SGCG: variants seen among roughly 807,000 people sequenced by gnomAD.
SGCG encodes sarcoglycan gamma.
SGCG carries 26 observed loss-of-function variants against 29.3 expected under a neutral mutation model. That is an observed-to-expected ratio of 0.89 (90% CI 0.65 to 1.23). The LOEUF is 1.23. SGCG is among the 50% of genes most tolerant of loss of function. SGCG has a pLI of 0.00. For missense variants in SGCG, 353 were observed against 356.0 expected (o/e 0.99, Z 0.07); for synonymous variants, 145 against 129.7 (o/e 1.12, Z -0.80).
chr13:23,322,940 TATA>T (rs1306517867), intron 7 of SGCG, among the ~76,000 whole-genome samples: 1 of 152,136 alleles, frequency 6.6e-6, no homozygotes, highest in Non-Finnish European at 1.5e-5. Context: ...AAATAGGGAA[TATA>T]ATATTTGCTT....
At chr13:23,228,258 T>G (rs943437539) in intron 2 of SGCG, among the ~76,000 whole-genome samples, 1 of 152,216 alleles carries the variant, frequency 6.6e-6, no homozygotes, top group Non-Finnish European at 1.5e-5. Flanking sequence ...GTTTGTAAAT[T>G]ACACCTGAAT....
intron 2 of SGCG, among the ~76,000 whole-genome samples, chr13:23,231,552 C>G (rs1879114691): frequency 6.6e-6 from 1 of 152,028 alleles, no homozygotes; most frequent in Non-Finnish European, 1.5e-5. Flanking sequence ...AGAAATTTGG[C>G]AGCAAATTTT....
At chr13:23,219,491 T>C (rs1215197811) in intron 2 of SGCG, among the ~76,000 whole-genome samples, 1 of 152,208 alleles carries the variant, frequency 6.6e-6, no homozygotes, top group African/African-American at 2.4e-5. Context: ...TATTTATAGC[T>C]GCGGTAGTAT....
chr13:23,191,754 G>C (rs181345970), intron 1 of SGCG, among the ~76,000 whole-genome samples: 3 of 152,244 alleles, frequency 2.0e-5, no homozygotes, highest in South Asian at 2.1e-4. Flanking sequence ...CTTCCTTCCC[G>C]ATCCAACACA....
In SGCG at chr13:23,236,288, C is replaced by T. The variant is rs116542535; in HGVS notation, c.297+1576C>T. Among the ~76,000 whole-genome samples, 499 of 152,246 alleles carry T rather than the reference C, an allele frequency of 3.3e-3. 3 individuals carry two copies. Among genetic ancestry groups the T allele is most frequent in the African/African-American group, 0.011 (469 of 41,534 alleles). On this transcript the variant is annotated intron_variant, in intron 3 of 7. Transcript: ENST00000218867. ...CCCCAGAGTTGTGTTGGCTGATCTCCTGCCATATTTTGGGAAGAATCAGAC... is the reference window on the plus strand; with the variant it reads ...CCCCAGAGTTGTGTTGGCTGATCTCTTGCCATATTTTGGGAAGAATCAGAC...
chr13:23,315,946 C>T (rs571164605), intron 6 of SGCG, among the ~76,000 whole-genome samples: 147 of 152,254 alleles, frequency 9.7e-4, no homozygotes, highest in Admixed American at 2.9e-3. Flanking sequence ...TAGGATGACC[C>T]GTTCTGAGGA....
intron 1 of SGCG, among the ~76,000 whole-genome samples, chr13:23,195,684 G>A (rs976344939): frequency 1.3e-5 from 2 of 151,902 alleles, no homozygotes; most frequent in African/African-American, 4.8e-5. Flanking sequence ...CTAGATGTGT[G>A]TGTGTGTGTA....
At chr13:23,291,180 G>A (rs1413940357) in intron 5 of SGCG, among the ~76,000 whole-genome samples, 1 of 152,106 alleles carries the variant, frequency 6.6e-6, no homozygotes, top group Non-Finnish European at 1.5e-5. Context: ...TATTAGACTA[G>A]GCTTTCTTTT....
intron 6 of SGCG, among the ~76,000 whole-genome samples, chr13:23,311,953 G>A (rs915364552): frequency 2.0e-5 from 3 of 151,934 alleles, no homozygotes; most frequent in African/African-American, 7.3e-5. Context: ...CTGTAAATGT[G>A]CATGTTTTCG....
intron 5 of SGCG, among the ~76,000 whole-genome samples, chr13:23,286,538 G>A (rs757860123): frequency 1.4e-4 from 21 of 152,274 alleles, no homozygotes; most frequent in Middle Eastern, 3.4e-3. Flanking sequence ...CAGGGGATAC[G>A]TTCAAAGAGC....
chr13:23,320,505 T>C (rs537207057), intron 6 of SGCG, 132 bp from the exon 7 acceptor site: 52 of 752,324 alleles, frequency 6.9e-5, no homozygotes, highest in Middle Eastern at 7.4e-4. Flanking sequence ...CACAATATGT[T>C]ACCATTTGAG....
chr13:23,174,215 A>T, the SGCG span, among the ~76,000 whole-genome samples: 1 of 152,192 alleles, frequency 6.6e-6, no homozygotes, highest in Non-Finnish European at 1.5e-5. Context: ...ACTGACACCT[A>T]CTCAAGGCCA....
chr13:23,252,343 T>C (rs908030922), intron 4 of SGCG, among the ~76,000 whole-genome samples: 19 of 152,306 alleles, frequency 1.2e-4, no homozygotes, highest in African/African-American at 4.3e-4. Context: ...ATAAAGACTA[T>C]GTAATTATTT....
chr13:23,205,912 T>C (rs1427282891), intron 2 of SGCG, among the ~76,000 whole-genome samples: 1 of 152,196 alleles, frequency 6.6e-6, no homozygotes, highest in Non-Finnish European at 1.5e-5. Flanking sequence ...AAAGGCAAGA[T>C]ACCCAAAGTC....
chr13:23,220,858 CACTG>C (rs1459303898), intron 2 of SGCG, among the ~76,000 whole-genome samples: 1 of 152,208 alleles, frequency 6.6e-6, no homozygotes, highest in Non-Finnish European at 1.5e-5. Flanking sequence ...CCAAATCAAT[CACTG>C]ACTATTTTCA....
chr13:23,211,688 C>G (rs968024956), intron 2 of SGCG, among the ~76,000 whole-genome samples: 5 of 152,180 alleles, frequency 3.3e-5, no homozygotes, highest in African/African-American at 1.2e-4. Context: ...AGCTTCTTGA[C>G]CGCAGGCTGG....
intron 3 of SGCG, among the ~76,000 whole-genome samples, chr13:23,239,035 A>G (rs1055763154): frequency 6.6e-6 from 1 of 152,174 alleles, no homozygotes; most frequent in African/African-American, 2.4e-5. Flanking sequence ...AAGAAAGAAG[A>G]GAGGACAAAT....
chr13:23,232,709 G>A (rs1879157364), intron 2 of SGCG, among the ~76,000 whole-genome samples: 1 of 152,136 alleles, frequency 6.6e-6, no homozygotes, highest in African/African-American at 2.4e-5. Flanking sequence ...GTGAACCCAG[G>A]AGGCGGAGCT....
At chr13:23,266,728 T>TTC (rs1450651027) in intron 4 of SGCG, among the ~76,000 whole-genome samples, 1 of 151,976 alleles carries the variant, frequency 6.6e-6, no homozygotes, top group African/African-American at 2.4e-5. Flanking sequence ...TAAATTTAAA[T>TTC]TCTCTCTTCT....
Sources: allele counts gnomAD v4.1 joint callset (sites outside exome capture counted in the v4.1 genomes callset), GRCh38; gene constraint gnomAD v4.1.1; transcripts MANE v1.5; gene names NCBI Gene and HGNC (gene_info 2026-07-23, HGNC 2026-07-21).